The following TRAT1 variants were observed in gnomAD, a reference collection of about 807,000 sequenced individuals.
The protein encoded by TRAT1 is T-cell receptor-associated transmembrane adapter 1.
TRAT1 carries 20 observed loss-of-function variants against 20.0 expected under a neutral mutation model. The observed-to-expected ratio is 1.00, with a 90% CI of 0.70 to 1.45. The LOEUF (loss-of-function observed/expected upper bound fraction) is 1.45, where lower values mean the gene tolerates loss of function less well. TRAT1 is among the 40% of genes most tolerant of loss of function. TRAT1 has a pLI of 0.00. For missense variants in TRAT1, 237 were observed against 224.1 expected, an observed-to-expected ratio of 1.06 and a Z score of -0.37; for synonymous variants, 77 against 74.2, an observed-to-expected ratio of 1.04 and a Z score of -0.20.
intron 4 of TRAT1, among the ~76,000 whole-genome samples, chr3:108,847,965 G>T (rs1945963073): frequency 6.6e-6 from 1 of 152,136 alleles, no homozygotes; most frequent in African/African-American, 2.4e-5. Context: ...CGTGATTCAA[G>T]AATTTATTTT....
At chr3:108,853,516 A>T in intron 5 of TRAT1, 104 bp from the exon 6 acceptor site, 1 of 1,377,058 alleles carries the variant, frequency 7.3e-7, no homozygotes, top group Non-Finnish European at 9.9e-7. Context: ...AAGGTAGGTG[A>T]GGCCTAGAAA....
At chr3:108,849,458 T>C (rs930201517) in intron 5 of TRAT1, among the ~76,000 whole-genome samples, 3 of 152,160 alleles carry the variant, frequency 2.0e-5, no homozygotes, top group Admixed American at 2.0e-4. Context: ...ACAAAGGCAA[T>C]AGATTTTAAG....
chr3:108,831,353 C>T (rs1945791121), intron 2 of TRAT1, among the ~76,000 whole-genome samples: 1 of 152,106 alleles, frequency 6.6e-6, no homozygotes, highest in Non-Finnish European at 1.5e-5. Flanking sequence ...AAGTTTTAAC[C>T]ATGTGGCTTT....
intron 1 of TRAT1, among the ~76,000 whole-genome samples, chr3:108,823,942 G>A (rs1945714268): frequency 6.6e-6 from 1 of 152,016 alleles, no homozygotes; most frequent in Non-Finnish European, 1.5e-5. Context: ...CGCAATCTTG[G>A]CTCACTGCAA....
rs1017078215 is a variant in TRAT1, at chr3:108,850,364, G to A, written c.303+1110G>A. Among the ~76,000 whole-genome samples, 82 of 151,642 alleles carry A rather than the reference G, an allele frequency of 5.4e-4. 1 individual carries two copies. Among genetic ancestry groups the A allele is most frequent in the African/African-American group, 1.9e-3 (77 of 41,330 alleles). On this transcript the variant is annotated intron_variant, in intron 5 of 5. Coordinates refer to ENST00000295756, the MANE Select transcript of TRAT1 (RefSeq NM_016388.4). ...TTGTCGCCCAGGCTGGAGTGCAATG[G>A]CACAATCTCCACTCACTGCAACCTC...
intron 3 of TRAT1, among the ~76,000 whole-genome samples, chr3:108,842,017 T>C (rs1324857271): frequency 6.6e-6 from 1 of 152,210 alleles, no homozygotes; most frequent in African/African-American, 2.4e-5. Context: ...CAGAGGGTAG[T>C]TGACTAAAAA....
At chr3:108,839,275 C>T (rs1945869897) in intron 3 of TRAT1, 1 of 331,870 alleles carries the variant, frequency 3.0e-6, no homozygotes, top group Non-Finnish European at 5.5e-6. Flanking sequence ...AGCTTAGATA[C>T]AGAATTGTGC....
chr3:108,846,425 G>A (rs980893217), intron 3 of TRAT1, among the ~76,000 whole-genome samples: 2 of 152,152 alleles, frequency 1.3e-5, no homozygotes, highest in Non-Finnish European at 2.9e-5. Flanking sequence ...TACTTTTGGA[G>A]AATTTTCTTT....
At chr3:108,830,819 A>T (rs1309145844) in intron 2 of TRAT1, 39 bp downstream of exon 2, 1 of 1,309,066 alleles carries the variant, frequency 7.6e-7, no homozygotes, top group Non-Finnish European at 1.1e-6. Context: ...TACCTGCTTG[A>T]ATGGAGACTA....
intron 5 of TRAT1, among the ~76,000 whole-genome samples, chr3:108,851,091 C>A (rs1285004709): frequency 5.3e-5 from 8 of 152,106 alleles, no homozygotes; most frequent in Non-Finnish European, 8.8e-5. Flanking sequence ...TTTTATTTCA[C>A]TACAGTGTTT....
Position 108,831,216 on chromosome 3 carries a change from CG to C in TRAT1, c.118+440del, listed in dbSNP as rs1399902368. 7.2e-5 allele frequency among the ~76,000 whole-genome samples: 11 copies of C among 152,264 alleles called. No homozygotes were observed. In the East Asian group the frequency reaches 9.6e-4, roughly 13 times the overall value. ...CATTCTCACATGCAACACAAAAGAG[CG>C]GGGTCAGAAGACGACTGGAAAAGGA... On this transcript the variant is annotated intron_variant, in intron 2 of 5. Transcript: ENST00000295756.
chr3:108,852,591 G>A (rs1288279851), intron 5 of TRAT1, among the ~76,000 whole-genome samples: 3 of 152,076 alleles, frequency 2.0e-5, no homozygotes, highest in African/African-American at 7.2e-5. Flanking sequence ...ATACAATTTT[G>A]GCCTAGTCTT....
At chr3:108,850,404 A>C (rs1202110205) in intron 5 of TRAT1, among the ~76,000 whole-genome samples, 1 of 151,768 alleles carries the variant, frequency 6.6e-6, no homozygotes, top group African/African-American at 2.4e-5. Flanking sequence ...TCCCGGGTTC[A>C]AGCGATTCTC....
intron 3 of TRAT1, among the ~76,000 whole-genome samples, chr3:108,843,817 T>C (rs141876745): frequency 1.3e-5 from 2 of 152,282 alleles, no homozygotes; most frequent in Non-Finnish European, 2.9e-5. Context: ...ACCCTGACAC[T>C]CTCTACTTGA....
chr3:108,831,229 C>T (rs886400312), intron 2 of TRAT1, among the ~76,000 whole-genome samples: 6 of 152,172 alleles, frequency 3.9e-5, no homozygotes, highest in East Asian at 1.9e-4. Flanking sequence ...GGTCAGAAGA[C>T]GACTGGAAAA....
intron 1 of TRAT1, among the ~76,000 whole-genome samples, chr3:108,828,923 T>C (rs1424304524): frequency 1.3e-5 from 2 of 152,202 alleles, no homozygotes; most frequent in African/African-American, 4.8e-5. Flanking sequence ...AAGTCTATTT[T>C]ACTTCCATTC....
At chr3:108,841,654 G>A (rs775761900) in intron 3 of TRAT1, among the ~76,000 whole-genome samples, 5 of 152,072 alleles carry the variant, frequency 3.3e-5, no homozygotes, top group African/African-American at 4.8e-5. Context: ...GAAAGGAATT[G>A]CTTCTCTCAT....
rs534345710 is a variant in TRAT1, at chr3:108,851,081, T to A, written c.303+1827T>A. 2.0e-5 allele frequency among the ~76,000 whole-genome samples: 3 copies of A among 152,368 alleles called. No homozygotes were observed. The East Asian group carries it at 5.8e-4, about 29-fold the overall frequency. Reference sequence around the variant, plus strand: ...AGGTAATATCTTCGTATTTGCTCAATTTTATTTCACTACAGTGTTTATTAT... The same window carrying A: ...AGGTAATATCTTCGTATTTGCTCAAATTTATTTCACTACAGTGTTTATTAT... On this transcript the variant is annotated intron_variant, in intron 5 of 5. Coordinates refer to ENST00000295756, the MANE Select transcript of TRAT1 (RefSeq NM_016388.4).
intron 3 of TRAT1, among the ~76,000 whole-genome samples, chr3:108,844,759 A>G (rs954708052): frequency 4.8e-5 from 7 of 146,048 alleles, no homozygotes; most frequent in South Asian, 2.2e-4. Flanking sequence ...CAGCAGAATG[A>G]CGTGAATCCG....
Sources: gnomAD v4.1 joint callset for allele counts (sites outside exome capture counted in the v4.1 genomes callset) on GRCh38, gnomAD v4.1.1 for gene constraint, MANE v1.5 for transcripts, NCBI Gene and HGNC (gene_info 2026-07-23, HGNC 2026-07-21) for gene names.